The following COMMD1 variants were observed in gnomAD, a reference collection of about 807,000 sequenced individuals.
COMMD1 encodes copper metabolism domain containing 1.
COMMD1 carries 10 observed loss-of-function variants against 17.2 expected under a neutral mutation model. The observed-to-expected ratio is 0.58, with a 90% CI of 0.36 to 0.99. The LOEUF is 0.99. COMMD1 is among the 50% of genes least tolerant of loss of function. The pLI is 0.01. For missense variants in COMMD1, 270 were observed against 231.8 expected (o/e 1.17, Z -1.07); for synonymous variants, 97 against 91.6 (o/e 1.06, Z -0.34).
chr2:61,888,734 G>A, exon 1 of COMMD1: 1 of 538,574 alleles, frequency 1.9e-6, no homozygotes, highest in Non-Finnish European at 3.3e-6. Flanking sequence ...GATGCGTGCG[G>A]TGGGCTCCGG....
chr2:61,977,847 G>C (rs189786889), intron 1 of COMMD1, among the ~76,000 whole-genome samples: 1 of 151,462 alleles, frequency 6.6e-6, no homozygotes, highest in African/African-American at 2.4e-5. Flanking sequence ...ATTAGCCCAG[G>C]GGGTGGTGGT....
At chr2:62,041,206 C>T (rs1453734295) in intron 2 of COMMD1, among the ~76,000 whole-genome samples, 1 of 152,140 alleles carries the variant, frequency 6.6e-6, no homozygotes, top group East Asian at 1.9e-4. Flanking sequence ...CAGACTGGAA[C>T]TTCTTTAATT....
At chr2:61,889,486 C>A (rs1380413707) in intron 1 of COMMD1, among the ~76,000 whole-genome samples, 1 of 152,132 alleles carries the variant, frequency 6.6e-6, no homozygotes, top group Admixed American at 6.5e-5. Context: ...ACTGGGATTA[C>A]AGGCGTGAGC....
chr2:61,978,231 C>T (rs1047233472), intron 1 of COMMD1, among the ~76,000 whole-genome samples: 1 of 152,166 alleles, frequency 6.6e-6, no homozygotes, highest in African/African-American at 2.4e-5. Flanking sequence ...TGAAATACTA[C>T]TCTAATAAAC....
intron 2 of COMMD1, among the ~76,000 whole-genome samples, chr2:62,106,351 C>G (rs1209607924): frequency 6.6e-6 from 1 of 152,224 alleles, no homozygotes; most frequent in Non-Finnish European, 1.5e-5. Flanking sequence ...TTAACATTCT[C>G]TGTGTTCTAC....
At chr2:62,079,065 A>G (rs1671441758) in intron 2 of COMMD1, among the ~76,000 whole-genome samples, 1 of 152,178 alleles carries the variant, frequency 6.6e-6, no homozygotes, top group Non-Finnish European at 1.5e-5. Context: ...GTCCTAAACC[A>G]GTCTTTCACG....
At chr2:61,997,159 C>T (rs1470562365) in intron 1 of COMMD1, among the ~76,000 whole-genome samples, 1 of 151,424 alleles carries the variant, frequency 6.6e-6, no homozygotes, top group Non-Finnish European at 1.5e-5. Flanking sequence ...CCTGTGTTCA[C>T]AGTGATCCTC....
rs372131423 is a variant in COMMD1 at position 62,122,444 on chromosome 2, C to CT, written c.463-13372dup. Among the ~76,000 whole-genome samples the CT allele has an allele frequency of 4.7e-3, 600 of 126,876 alleles. 3 individuals carry two copies. Among genetic ancestry groups the CT allele is most frequent in the Middle Eastern group, 8.6e-3 (2 of 232 alleles). 83.2% of individuals were successfully genotyped at this position (126,876 alleles called of 152,430 possible). On this transcript the variant is annotated intron_variant, in intron 2 of 2. Coordinates refer to ENST00000311832, the MANE Select transcript of COMMD1 (RefSeq NM_152516.4). ...GAAAATCTCTAAGTTTCTTTCTTTT[C>CT]TTTTTTTTTTTTTTTGTCTAGTAGT...
At chr2:62,054,784 TA>T (rs1670642788) in intron 2 of COMMD1, among the ~76,000 whole-genome samples, 1 of 152,134 alleles carries the variant, frequency 6.6e-6, no homozygotes. Flanking sequence ...GGGTGATGGA[TA>T]CCCTAAAAGC....
At chr2:62,088,027 C>T (rs1209439980) in intron 2 of COMMD1, among the ~76,000 whole-genome samples, 1 of 152,096 alleles carries the variant, frequency 6.6e-6, no homozygotes, top group Non-Finnish European at 1.5e-5. Flanking sequence ...TTTTAACTAC[C>T]AGAGTCCGCA....
chr2:61,993,085 A>G (rs374425393), intron 1 of COMMD1, among the ~76,000 whole-genome samples: 3 of 152,166 alleles, frequency 2.0e-5, no homozygotes, highest in East Asian at 3.8e-4. Flanking sequence ...CCTGACCACC[A>G]CTGAAGCAAG....
chr2:62,000,613 A>G, intron 1 of COMMD1, 88 bp from the exon 2 acceptor site: 1 of 1,272,234 alleles, frequency 7.9e-7, no homozygotes. Context: ...TTTAAGAGTC[A>G]CTCAAAATAT....
upstream of COMMD1, among the ~76,000 whole-genome samples, chr2:61,901,238 C>T (rs1384033761): frequency 3.3e-5 from 5 of 151,876 alleles, no homozygotes; most frequent in African/African-American, 9.7e-5. Context: ...TGAGCCACTG[C>T]GCACGACCAA....
intron 2 of COMMD1, among the ~76,000 whole-genome samples, chr2:62,030,201 T>C (rs1014658235): frequency 2.0e-5 from 3 of 152,198 alleles, no homozygotes; most frequent in Non-Finnish European, 4.4e-5. Flanking sequence ...TGAAACAAGG[T>C]AGGTCATTTC....
At chr2:61,977,241 CT>C (rs1160361696) in intron 1 of COMMD1, among the ~76,000 whole-genome samples, 6,121 of 88,694 alleles carry the variant, frequency 0.069, 119 homozygotes, top group African/African-American at 0.19. Context: ...ATAAAGTTTG[CT>C]TTTTTTTTTT....
intron 2 of COMMD1, among the ~76,000 whole-genome samples, chr2:62,049,681 C>T (rs1012523818): frequency 2.0e-5 from 3 of 152,164 alleles, no homozygotes; most frequent in Non-Finnish European, 4.4e-5. Context: ...AGCACTTACT[C>T]AGGTATTCCA....
intron 2 of COMMD1, among the ~76,000 whole-genome samples, chr2:62,085,411 G>T (rs752572202): frequency 4.0e-5 from 6 of 151,864 alleles, no homozygotes; most frequent in African/African-American, 1.5e-4. Flanking sequence ...TAGAGACGGG[G>T]TTTCACCATA....
chr2:62,002,781 G>T (rs1382146977), intron 2 of COMMD1, among the ~76,000 whole-genome samples: 4 of 151,754 alleles, frequency 2.6e-5, no homozygotes, highest in Non-Finnish European at 4.4e-5. Flanking sequence ...GCTTCATCCT[G>T]GGAGGTGGAG....
intron 2 of COMMD1, among the ~76,000 whole-genome samples, chr2:62,064,889 A>G (rs1670985230): frequency 6.6e-6 from 1 of 152,234 alleles, no homozygotes; most frequent in South Asian, 2.1e-4. Flanking sequence ...ATGCTGTGCC[A>G]GGTGCAGTAG....
Sources: gnomAD v4.1 joint callset for allele counts (sites outside exome capture counted in the v4.1 genomes callset) on GRCh38, gnomAD v4.1.1 for gene constraint, MANE v1.5 for transcripts, NCBI Gene and HGNC (gene_info 2026-07-23, HGNC 2026-07-21) for gene names.